PARP8: variants seen among roughly 807,000 people sequenced by gnomAD.
PARP8 encodes protein mono-ADP-ribosyltransferase PARP8.
Under a neutral mutation model 124.1 loss-of-function variants are expected in PARP8, and 51 were observed. The observed-to-expected ratio is 0.41, with a 90% CI of 0.33 to 0.52. PARP8 has a LOEUF of 0.52. PARP8 is among the 20% of genes least tolerant of loss of function. The pLI, the probability that PARP8 is intolerant of heterozygous loss-of-function variation, is 0.21. For missense variants in PARP8, 860 were observed against 1,018.9 expected, an observed-to-expected ratio of 0.84 and a Z score of 2.12; for synonymous variants, 391 against 361.5, an observed-to-expected ratio of 1.08 and a Z score of -0.93.
At chr5:50,702,021 A>G (rs1206213374) in intron 2 of PARP8, among the ~76,000 whole-genome samples, 2 of 152,142 alleles carry the variant, frequency 1.3e-5, no homozygotes, top group African/African-American at 4.8e-5. Context: ...TTGACAACTG[A>G]CCTTCTTAAT....
At chr5:50,700,871 C>T (rs1328990444) in intron 2 of PARP8, among the ~76,000 whole-genome samples, 3 of 152,034 alleles carry the variant, frequency 2.0e-5, no homozygotes, top group Admixed American at 6.6e-5. Flanking sequence ...TCATTATGCT[C>T]GGTAATCCTC....
intron 2 of PARP8, chr5:50,739,179 C>A: frequency 1.5e-6 from 1 of 648,296 alleles, no homozygotes; most frequent in East Asian, 2.7e-5. Flanking sequence ...CTAGGTAACT[C>A]CTTTCCTTCC....
At chr5:50,718,747 T>C (rs1179311492) in intron 2 of PARP8, among the ~76,000 whole-genome samples, 2 of 152,080 alleles carry the variant, frequency 1.3e-5, no homozygotes, top group African/African-American at 4.8e-5. Flanking sequence ...TACTTCCATA[T>C]CTTGGCTATT....
intron 17 of PARP8, 56 bp downstream of exon 17, chr5:50,822,456 G>A (rs993551265): frequency 8.1e-6 from 11 of 1,361,786 alleles, no homozygotes; most frequent in African/African-American, 1.5e-5. Context: ...GAGAGTTCTA[G>A]CTATGTAGTG....
chr5:50,766,998 T>C (rs1449356897), intron 7 of PARP8, among the ~76,000 whole-genome samples: 2 of 152,184 alleles, frequency 1.3e-5, no homozygotes, highest in South Asian at 2.1e-4. Context: ...GTTCTGGTCT[T>C]ATGGTAGGAT....
chr5:50,734,845 T>G (rs1479805652), intron 2 of PARP8, among the ~76,000 whole-genome samples: 1 of 152,144 alleles, frequency 6.6e-6, no homozygotes, highest in Admixed American at 6.5e-5. Context: ...GAATTCATAG[T>G]GCCAAAATCA....
intron 3 of PARP8, among the ~76,000 whole-genome samples, chr5:50,758,431 A>G (rs1363006207): frequency 1.3e-5 from 2 of 152,212 alleles, no homozygotes; most frequent in African/African-American, 2.4e-5. Flanking sequence ...GATCACTATC[A>G]TTCACTCATT....
intron 21 of PARP8, among the ~76,000 whole-genome samples, chr5:50,829,320 A>G (rs1746690379): frequency 6.6e-6 from 1 of 152,188 alleles, no homozygotes; most frequent in Admixed American, 6.5e-5. Context: ...TCATATTATG[A>G]TGACATTTTA....
In PARP8 at chr5:50,778,129, TGTAA is replaced by T. The variant is rs1389826453; in HGVS notation, c.579+4_579+7del. 1 of 1,593,808 alleles carries T rather than the reference TGTAA, an allele frequency of 6.3e-7. No individual in the cohort carries two copies. The highest frequency in any genetic ancestry group is 1.7e-5 in the Admixed American group (1 of 58,220). ...TGCATATCGATGTTAGCTTTCTTGA[TGTAA>T]GTATCAATTTTATGTAATATGAATG... On this transcript the variant is annotated splice_donor_variant and splice_donor_region_variant and intron_variant, in intron 8 of 25. Coordinates refer to ENST00000281631, the MANE Select transcript of PARP8 (RefSeq NM_024615.4). LOFTEE classifies it high-confidence loss of function.
chr5:50,722,780 C>A (rs1226472053), intron 2 of PARP8, among the ~76,000 whole-genome samples: 10 of 151,788 alleles, frequency 6.6e-5, no homozygotes, highest in Non-Finnish European at 1.2e-4. Context: ...CTGGTATGAC[C>A]CCAGCTCTCT....
rs769350174 is a variant in PARP8 at position 50,797,006 on chromosome 5, G to C, written c.1453G>C (p.Val485Leu). The change falls in exon 13 of 26, where the codon GTA becomes CTA. Residue 485 changes from valine (V) to leucine (L), a missense_variant. Val to Leu is a conservative substitution (Grantham distance 32). Transcript: ENST00000281631. ...GCCAAATGGTGCAAAATGCATTCCA[G>C]TACGAGACCGTGGCTTCCTGGTGCA... ...LAPNGAKCIP[V>L]RDRGFLVQTI... The C allele has an allele frequency of 2.5e-6, 4 of 1,612,410 alleles. No individual in the cohort carries two copies. Among genetic ancestry groups the C allele is most frequent in the Non-Finnish European group, 3.4e-6 (4 of 1,179,226 alleles).
chr5:50,761,874 C>G lies in PARP8; in HGVS notation c.399C>G (p.Ser133=). The part of the protein sequence containing the change: ...VEEDSEGDND[S]EEFYYGGQVN... ...AAGATTCTGAAGGTGACAATGATTC[C>G]GAAGAATTTTATTACGGAGGGCAGG... is the stretch of plus-strand genomic sequence containing the variant. The change falls in exon 6 of 26, where the codon TCC becomes TCG. Residue 133 remains serine, a synonymous_variant. Coordinates refer to ENST00000281631, the MANE Select transcript of PARP8 (RefSeq NM_024615.4). 6.9e-6 allele frequency: 11 copies of G among 1,602,336 alleles called. 1 individual carries two copies. The South Asian group carries it at 1.1e-4, about 16-fold the overall frequency.
At chr5:50,676,785 A>C (rs1033161596) in intron 2 of PARP8, among the ~76,000 whole-genome samples, 23 of 152,334 alleles carry the variant, frequency 1.5e-4, no homozygotes, top group Non-Finnish European at 3.4e-4. Flanking sequence ...CCAAATGAGA[A>C]ATTTAGTGAA....
chr5:50,735,045 G>T (rs917880971), intron 2 of PARP8, among the ~76,000 whole-genome samples: 1 of 152,006 alleles, frequency 6.6e-6, no homozygotes, highest in Non-Finnish European at 1.5e-5. Flanking sequence ...GCAATGTAGG[G>T]TATGTAGTGA....
At chr5:50,816,223 A>G (rs1745090646) in intron 15 of PARP8, among the ~76,000 whole-genome samples, 1 of 152,170 alleles carries the variant, frequency 6.6e-6, no homozygotes, top group Non-Finnish European at 1.5e-5. Context: ...AATAAATTTA[A>G]TGTATGTTAA....
At chr5:50,689,720 G>A (rs116665628) in intron 2 of PARP8, among the ~76,000 whole-genome samples, 1,551 of 152,248 alleles carry the variant, frequency 0.01, 12 homozygotes, top group Non-Finnish European at 0.015. Context: ...CGAACACTTC[G>A]TGAGGTTGAT....
At chr5:50,781,283 T>G (rs960528498) in intron 9 of PARP8, among the ~76,000 whole-genome samples, 21 of 150,502 alleles carry the variant, frequency 1.4e-4, no homozygotes, top group Non-Finnish European at 2.4e-4. Context: ...ACCAGTCGCT[T>G]TTGTTTTATT....
chr5:50,690,986 G>T (rs1314582757), intron 2 of PARP8, among the ~76,000 whole-genome samples: 1 of 152,038 alleles, frequency 6.6e-6, no homozygotes, highest in Non-Finnish European at 1.5e-5. Flanking sequence ...TATCCAAAAG[G>T]TAGCAGCTCT....
intron 2 of PARP8, among the ~76,000 whole-genome samples, chr5:50,677,028 G>T (rs1396029726): frequency 6.6e-6 from 1 of 152,166 alleles, no homozygotes; most frequent in Non-Finnish European, 1.5e-5. Flanking sequence ...TAAATACTCT[G>T]TAGCTTTTGT....
Sources: allele counts gnomAD v4.1 joint callset (sites outside exome capture counted in the v4.1 genomes callset), GRCh38; gene constraint gnomAD v4.1.1; transcripts MANE v1.5; gene names NCBI Gene and HGNC (gene_info 2026-07-23, HGNC 2026-07-21).